Variants in PTPRM observed in about 807,000 individuals in gnomAD.
PTPRM encodes protein tyrosine phosphatase receptor type M.
In PTPRM, 47 loss-of-function variants were observed where a neutral mutation model predicts 186.7. That is an observed-to-expected ratio of 0.25 (90% CI 0.20 to 0.32). The LOEUF is 0.32. PTPRM is among the 10% of genes least tolerant of loss of function. PTPRM has a pLI of 1.00. For missense variants in PTPRM, 1,494 were observed against 1,865.0 expected, an observed-to-expected ratio of 0.80 and a Z score of 3.66; for synonymous variants, 668 against 674.9, an observed-to-expected ratio of 0.99 and a Z score of 0.16.
chr18:7,693,742 C>G (rs2039783734), intron 1 of PTPRM, among the ~76,000 whole-genome samples: 1 of 152,020 alleles, frequency 6.6e-6, no homozygotes, highest in African/African-American at 2.4e-5. Context: ...AGAGTAAATA[C>G]ACTTAAGGAA....
At chr18:8,085,586 C>G in intron 9 of PTPRM, 85 bp from the exon 10 acceptor site, 1 of 1,146,696 alleles carries the variant, frequency 8.7e-7, no homozygotes, top group East Asian at 2.4e-5. Flanking sequence ...TCTGACAGTG[C>G]ATACATCAGA....
intron 3 of PTPRM, among the ~76,000 whole-genome samples, chr18:7,892,271 G>A (rs2049120521): frequency 6.6e-6 from 1 of 152,198 alleles, no homozygotes; most frequent in African/African-American, 2.4e-5. Flanking sequence ...CGTGGCCTTG[G>A]CTGCAGTCAG....
At chr18:7,766,557 A>T (rs992991632) in intron 1 of PTPRM, among the ~76,000 whole-genome samples, 1 of 152,190 alleles carries the variant, frequency 6.6e-6, no homozygotes, top group Non-Finnish European at 1.5e-5. Context: ...CGTGAAAGTT[A>T]TTCATAGGGA....
intron 1 of PTPRM, among the ~76,000 whole-genome samples, chr18:7,666,315 G>A (rs1440589736): frequency 6.6e-6 from 1 of 152,072 alleles, no homozygotes; most frequent in Non-Finnish European, 1.5e-5. Context: ...TTGCTTGCAA[G>A]GGGGAGATTG....
At chr18:7,907,171 G>T (rs1171828225) in intron 4 of PTPRM, among the ~76,000 whole-genome samples, 1 of 152,198 alleles carries the variant, frequency 6.6e-6, no homozygotes, top group Non-Finnish European at 1.5e-5. Context: ...TGTCATATTT[G>T]TATGTGAACC....
At chr18:8,270,267 A>G (rs2094754503) in intron 19 of PTPRM, 1 of 152,050 alleles carries the variant, frequency 6.6e-6, no homozygotes, top group African/African-American at 2.4e-5. Flanking sequence ...GAATGAGCAA[A>G]TAACCTGATA....
At chr18:7,702,798 G>A (rs2039994536) in intron 1 of PTPRM, among the ~76,000 whole-genome samples, 1 of 152,182 alleles carries the variant, frequency 6.6e-6, no homozygotes, top group Admixed American at 6.5e-5. Context: ...TGTTGCCTAG[G>A]TTTGCTTCTA....
At chr18:8,197,801 G>T (rs2146796373) in intron 14 of PTPRM, among the ~76,000 whole-genome samples, 1 of 152,322 alleles carries the variant, frequency 6.6e-6, no homozygotes, top group South Asian at 2.1e-4. Flanking sequence ...TAGTTTTTCT[G>T]TCATGGTTGC....
At chr18:7,758,441 G>A (rs960661326) in intron 1 of PTPRM, among the ~76,000 whole-genome samples, 5 of 152,178 alleles carry the variant, frequency 3.3e-5, no homozygotes, top group Non-Finnish European at 7.3e-5. Context: ...TTAGGGAAGT[G>A]AAGGCTTACC....
chr18:7,808,923 G>T (rs2044368879), intron 2 of PTPRM, among the ~76,000 whole-genome samples: 1 of 152,150 alleles, frequency 6.6e-6, no homozygotes. Context: ...ATTCCTCATT[G>T]GAAGAAACAT....
At position 7,888,134 on chromosome 18, in the gene PTPRM, G is replaced by A; in HGVS notation, c.225G>A (p.Gly75=). ...CTTTCATGCTGGTGAATGCCTCTGG[G>A]AGACCTGAGGGGCAGAGAGCCCACC... is the stretch of plus-strand genomic sequence containing the variant. ...SGSFMLVNAS[G]RPEGQRAHLL... The change falls in exon 3 of 33, where the codon GGG becomes GGA. Residue 75 remains glycine (G), a synonymous_variant. Coordinates refer to ENST00000580170, the MANE Select transcript of PTPRM (RefSeq NM_001105244.2). 1 of 1,614,080 alleles carries A rather than the reference G, an allele frequency of 6.2e-7. No individual in the cohort carries two copies. Among genetic ancestry groups the A allele is most frequent in the Non-Finnish European group, 8.5e-7 (1 of 1,179,998 alleles).
intron 13 of PTPRM, among the ~76,000 whole-genome samples, chr18:8,134,060 A>G (rs1031612177): frequency 1.3e-5 from 2 of 152,196 alleles, no homozygotes; most frequent in African/African-American, 4.8e-5. Flanking sequence ...CAAGGGCGGA[A>G]TAAACCTCCT....
intron 13 of PTPRM, among the ~76,000 whole-genome samples, chr18:8,126,003 A>G (rs866983150): frequency 4.2e-4 from 7 of 16,490 alleles, no homozygotes; most frequent in African/African-American, 6.8e-4. Context: ...ATATATATAT[A>G]TATATATATA....
intron 1 of PTPRM, among the ~76,000 whole-genome samples, chr18:7,629,831 CTG>C (rs979647983): frequency 1.3e-5 from 2 of 152,066 alleles, no homozygotes; most frequent in African/African-American, 4.8e-5. Context: ...ATCTCTCAGA[CTG>C]TGAAGAGAAT....
At chr18:7,738,541 T>C (rs553287373) in intron 1 of PTPRM, among the ~76,000 whole-genome samples, 38 of 151,978 alleles carry the variant, frequency 2.5e-4, no homozygotes, top group African/African-American at 8.7e-4. Context: ...GTTCATGCCA[T>C]TCTCCTGCCT....
At chr18:8,343,358 C>A in intron 22 of PTPRM, 65 bp from the exon 23 acceptor site, 4 of 1,411,132 alleles carry the variant, frequency 2.8e-6, no homozygotes, top group South Asian at 1.2e-5. Flanking sequence ...TATTTGTAAG[C>A]CCCGGAAATT....
At chr18:8,385,974 C>T (rs1273229865) in intron 30 of PTPRM, among the ~76,000 whole-genome samples, 1 of 152,054 alleles carries the variant, frequency 6.6e-6, no homozygotes, top group Non-Finnish European at 1.5e-5. Flanking sequence ...AGAGCCAGCA[C>T]AATCCTGGGG....
rs114437749 is a variant in PTPRM at position 7,891,589 on chromosome 18, G to A, written c.468+3212G>A. Among the ~76,000 whole-genome samples the A allele has an allele frequency of 5.8e-3, 878 of 152,230 alleles. 4 individuals carry two copies. The highest frequency in any genetic ancestry group is 0.02 in the African/African-American group (844 of 41,536). On this transcript the variant is annotated intron_variant, in intron 3 of 32. Transcript: ENST00000580170. ...AGGGTTAAAAAGCAAGTGGGTGGCC[G>A]GGCGCAATGGCTCGTGCCTTTAGTC... is the stretch of plus-strand genomic sequence containing the variant.
intron 2 of PTPRM, among the ~76,000 whole-genome samples, chr18:7,783,168 G>A (rs1297286280): frequency 1.3e-5 from 2 of 152,214 alleles, no homozygotes; most frequent in African/African-American, 4.8e-5. Flanking sequence ...GCATCTGGTA[G>A]TGGAGTGGGT....
Sources: gnomAD v4.1 joint callset for allele counts (sites outside exome capture counted in the v4.1 genomes callset) on GRCh38, gnomAD v4.1.1 for gene constraint, MANE v1.5 for transcripts, NCBI Gene and HGNC (gene_info 2026-07-23, HGNC 2026-07-21) for gene names.